The following HDAC4 variants were observed in gnomAD, a reference collection of about 807,000 sequenced individuals.
HDAC4 encodes the protein histone deacetylase A.
Under a neutral mutation model 135.1 loss-of-function variants are expected in HDAC4, and 16 were observed. The observed-to-expected ratio is 0.12, with a 90% CI of 0.08 to 0.18. The LOEUF (loss-of-function observed/expected upper bound fraction) is 0.18, where lower values mean the gene tolerates loss of function less well. Among genes scored for constraint, HDAC4 ranks in the 10% least tolerant of loss-of-function variants. The probability of loss-of-function intolerance (pLI) is 1.00; values close to 1 mark genes in which losing one functional copy is unlikely to be tolerated. For synonymous variants in HDAC4, 685 were observed against 653.4 expected, an observed-to-expected ratio of 1.05 and a Z score of -0.74; for missense variants, 1,143 against 1,511.8, an observed-to-expected ratio of 0.76 and a Z score of 4.05.
rs771581695 is a variant in HDAC4 at position 239,134,401 on chromosome 2, C to T, written c.1138G>A (p.Ala380Thr). 64 of 1,613,372 alleles carry T rather than the reference C, an allele frequency of 4.0e-5. No homozygotes were observed. Among genetic ancestry groups the T allele is most frequent in the Middle Eastern group, 1.6e-4 (1 of 6,082 alleles). ...AAAAGGGAGAGCCTCTGCTGGAGGG[C>T]GGGAAGGGTGAGTCTCTCGGCGTCC... Reference protein sequence around the residue: ...QQDAERLTLPALQQRLSLFPG... With the variant: ...QQDAERLTLPTLQQRLSLFPG... Residue 380 changes from alanine to threonine, a missense_variant, in exon 11 of 27, where the codon GCC (alanine) becomes ACC (threonine). Ala to Thr is a moderately conservative substitution (Grantham distance 58). Coordinates refer to ENST00000543185, the MANE Select transcript of HDAC4 (RefSeq NM_001378414.1).
rs1438738671 is a variant in HDAC4, at chr2:239,309,654, G to A, written c.22+43024C>T. Reference sequence around the variant, plus strand: ...GCGAGGGGCCCAGGGAGAAGATGGAGGTCAAGTCATAGGGCCTCCACCGCA... The same window carrying A: ...GCGAGGGGCCCAGGGAGAAGATGGAAGTCAAGTCATAGGGCCTCCACCGCA... On this transcript the variant is annotated intron_variant, in intron 2 of 26. Transcript: ENST00000543185. This position sits in a 1 kb window ranked among gnomAD's most constrained non-coding sequence, Gnocchi z 4.2. 6.6e-6 allele frequency among the ~76,000 whole-genome samples: 1 copy of A among 152,338 alleles called. No individual in the cohort carries two copies. Among genetic ancestry groups the A allele is most frequent in the Non-Finnish European group, 1.5e-5 (1 of 68,032 alleles).
intron 4 of HDAC4, among the ~76,000 whole-genome samples, chr2:239,184,639 C>T (rs1373914194): frequency 7.5e-6 from 1 of 133,166 alleles, no homozygotes; most frequent in Non-Finnish European, 1.6e-5. Flanking sequence ...TGGGGGGTCC[C>T]TCAGTGTCTG....
rs2052991080 is a variant in HDAC4 at position 239,313,672 on chromosome 2, A to G, written c.22+39006T>C. 6.6e-6 allele frequency among the ~76,000 whole-genome samples: 1 copy of G among 152,226 alleles called. No homozygotes were observed. The highest frequency in any genetic ancestry group is 6.5e-5 in the Admixed American group (1 of 15,290). ...CTTATGAAAATAAGCGCCTCAAAAG[A>G]AAGCCAACGTACAGCACTGGTGACA... is the stretch of plus-strand genomic sequence containing the variant. On this transcript the variant is annotated intron_variant, in intron 2 of 26. Transcript: ENST00000543185. The surrounding 1 kb of genome is among the most constrained non-coding windows in gnomAD (Gnocchi z 5.1).
chr2:239,295,713 A>G (rs2051847272), intron 2 of HDAC4, among the ~76,000 whole-genome samples: 1 of 152,070 alleles, frequency 6.6e-6, no homozygotes, highest in Non-Finnish European at 1.5e-5. Context: ...GTTCAGTTTC[A>G]TTTTATTTCT....
chr2:239,249,214 T>C (rs1220327578), intron 2 of HDAC4, among the ~76,000 whole-genome samples: 2 of 151,882 alleles, frequency 1.3e-5, no homozygotes, highest in Non-Finnish European at 2.9e-5. Context: ...AGCCTGGGGG[T>C]TCCCACGGGG....
intron 2 of HDAC4, among the ~76,000 whole-genome samples, chr2:239,322,917 C>T (rs1198866825): frequency 6.6e-6 from 1 of 152,114 alleles, no homozygotes; most frequent in Non-Finnish European, 1.5e-5. Flanking sequence ...TGAGACAAAC[C>T]CAGCGCTGCT....
chr2:239,054,923 G>C (rs1286431080), intron 24 of HDAC4, 90 bp from the exon 25 acceptor site: 10 of 912,176 alleles, frequency 1.1e-5, no homozygotes, highest in Admixed American at 1.7e-5. Context: ...TGTTTCCTGA[G>C]CACAGAGACC....
At chr2:239,072,668 C>G (rs1349960888) in intron 22 of HDAC4, among the ~76,000 whole-genome samples, 1 of 152,272 alleles carries the variant, frequency 6.6e-6, no homozygotes, top group Non-Finnish European at 1.5e-5. Context: ...AACATCACGG[C>G]AGACGGCAGC....
chr2:239,353,011 C>CTT, intron 1 of HDAC4, 93 bp from the exon 2 acceptor site: 4 of 378,936 alleles, frequency 1.1e-5, no homozygotes, highest in Non-Finnish European at 1.5e-5. Context: ...ATGACTTCCT[C>CTT]TTTTTTTTTG....
chr2:239,082,535 C>T (rs1168448545), intron 20 of HDAC4, among the ~76,000 whole-genome samples: 2 of 152,212 alleles, frequency 1.3e-5, no homozygotes, highest in African/African-American at 2.4e-5. Flanking sequence ...GCCTAGAGGC[C>T]ACCATTTCCC....
At chr2:239,085,388 G>C (rs2035834963) in intron 19 of HDAC4, among the ~76,000 whole-genome samples, 3 of 152,160 alleles carry the variant, frequency 2.0e-5, no homozygotes, top group African/African-American at 4.8e-5. Context: ...AGAAACACTA[G>C]TTGTTTTGTT....
At chr2:239,297,027 T>TA (rs71043186) in intron 2 of HDAC4, among the ~76,000 whole-genome samples, 25,673 of 117,918 alleles carry the variant, frequency 0.22, 2,785 homozygotes, top group Non-Finnish European at 0.24. Flanking sequence ...TGTTTTCATG[T>TA]AAAAAAAAAA....
Position 239,179,948 on chromosome 2 carries a change from C to T in HDAC4, c.340-3385G>A, listed in dbSNP as rs181365723. On this transcript the variant is annotated intron_variant, in intron 4 of 26. Coordinates refer to ENST00000543185, the MANE Select transcript of HDAC4 (RefSeq NM_001378414.1). ...AGTGTGCGTTCTGAATGTGAGTGAG[C>T]GCGTGGGATTGAGCATGTGTGCTCC... 2.6e-3 allele frequency among the ~76,000 whole-genome samples: 401 copies of T among 152,308 alleles called. 1 individual carries two copies. Among genetic ancestry groups the T allele is most frequent in the South Asian group, 6.6e-3 (32 of 4,830 alleles).
Position 239,090,650 on chromosome 2 carries a change from GA to G in HDAC4, c.2281-535del, listed in dbSNP as rs201534156. ...ACAGTGAGGCTCTGTCTCCAAAAAG[GA>G]AAAAAAAAAAACTGGAAACTTTTTG... On this transcript the variant is annotated intron_variant, in intron 17 of 26. Coordinates refer to ENST00000543185, the MANE Select transcript of HDAC4 (RefSeq NM_001378414.1). Among the ~76,000 whole-genome samples, 459 of 145,542 alleles carry G rather than the reference GA, an allele frequency of 3.2e-3. 3 individuals are homozygous for G. Among genetic ancestry groups the G allele is most frequent in the African/African-American group, 0.01 (404 of 39,486 alleles).
In HDAC4 at chr2:239,052,847, C is replaced by T. The variant is rs2031077057; in HGVS notation, c.*250G>A. On this transcript the variant is annotated 3_prime_UTR_variant, in exon 27 of 27. Transcript: ENST00000543185. ...CAGAGTGTGCTTGGCTTCCGCGTGT[C>T]CGTGTGTCTGCGCGTCGCCGGCGTC... is the stretch of plus-strand genomic sequence containing the variant. 2 of 560,524 alleles carry T rather than the reference C, an allele frequency of 3.6e-6. No homozygotes were observed. The highest frequency in any genetic ancestry group is 6.1e-5 in the Admixed American group (2 of 32,760). The allele number at this position is 560,524 out of a possible 1,614,324, so 34.7% of individuals were successfully genotyped here.
At chr2:239,081,941 G>C (rs1213570603) in intron 21 of HDAC4, among the ~76,000 whole-genome samples, 161 bp downstream of exon 21, 1 of 152,368 alleles carries the variant, frequency 6.6e-6, no homozygotes, top group East Asian at 1.9e-4. Flanking sequence ...CACGCGATAC[G>C]ATGCAGGCTG....
In HDAC4 at chr2:239,068,094, G is replaced by T. The variant is rs1233934519; in HGVS notation, c.2869+395C>A. On this transcript the variant is annotated intron_variant, in intron 23 of 26. Coordinates refer to ENST00000543185, the MANE Select transcript of HDAC4 (RefSeq NM_001378414.1). This position sits in a 1 kb window ranked among gnomAD's most constrained non-coding sequence, Gnocchi z 4.4. ...CCCTCATCCAACTCTGAACTCAACTGTGCCCCCAGCAACTTCCCTTTACAG... is the reference window on the plus strand; with the variant it reads ...CCCTCATCCAACTCTGAACTCAACTTTGCCCCCAGCAACTTCCCTTTACAG... Among the ~76,000 whole-genome samples, 1 of 152,152 alleles carries T rather than the reference G, an allele frequency of 6.6e-6. No homozygotes were observed. Among genetic ancestry groups the T allele is most frequent in the Non-Finnish European group, 1.5e-5 (1 of 68,032 alleles).
intron 3 of HDAC4, among the ~76,000 whole-genome samples, chr2:239,234,953 C>T (rs974552980): frequency 6.6e-6 from 1 of 152,118 alleles, no homozygotes; most frequent in Non-Finnish European, 1.5e-5. Context: ...TCAAAAATGC[C>T]CCAGCCACAG....
At chr2:239,092,329 A>G (rs2152729446) in intron 17 of HDAC4, among the ~76,000 whole-genome samples, 1 of 152,098 alleles carries the variant, frequency 6.6e-6, no homozygotes, top group South Asian at 2.1e-4. Context: ...GCTCTGTGTC[A>G]GCCAGCAGAG....
Sources: gnomAD v4.1 joint callset for allele counts (sites outside exome capture counted in the v4.1 genomes callset) on GRCh38, gnomAD v4.1.1 for gene constraint, Gnocchi (gnomAD v3.1) non-coding constraint, MANE v1.5 for transcripts, NCBI Gene and HGNC (gene_info 2026-07-23, HGNC 2026-07-21) for gene names.